Variants in ACOXL observed in about 807,000 individuals in gnomAD.
The protein encoded by ACOXL is acyl-coenzyme A oxidase-like protein.
Under a neutral mutation model 71.9 loss-of-function variants are expected in ACOXL, and 70 were observed. That is an observed-to-expected ratio of 0.97 (90% CI 0.80 to 1.19). ACOXL has a LOEUF of 1.19. ACOXL is among the 50% of genes most tolerant of loss of function. ACOXL has a pLI of 0.00. For synonymous variants in ACOXL, 253 were observed against 281.6 expected (o/e 0.90, Z 1.02); for missense variants, 703 against 736.3 (o/e 0.95, Z 0.52).
At chr2:110,925,502 TA>T in intron 11 of ACOXL, among the ~76,000 whole-genome samples, 2 of 152,384 alleles carry the variant, frequency 1.3e-5, no homozygotes, top group Non-Finnish European at 2.9e-5. Context: ...TGTCTTTCTT[TA>T]AAAATCAAGA....
At chr2:110,991,433 T>A (rs1044229926) in intron 13 of ACOXL, among the ~76,000 whole-genome samples, 1 of 152,224 alleles carries the variant, frequency 6.6e-6, no homozygotes, top group African/African-American at 2.4e-5. Context: ...ATGAATGTAT[T>A]GTCTCCTATA....
chr2:111,053,863 A>C (rs1391069462), intron 16 of ACOXL, among the ~76,000 whole-genome samples: 1 of 152,206 alleles, frequency 6.6e-6, no homozygotes, highest in Admixed American at 6.5e-5. Flanking sequence ...GATAAGCTGG[A>C]AAATATTTAA....
intron 5 of ACOXL, chr2:110,796,191 G>A (rs948586877): frequency 1.3e-5 from 2 of 152,182 alleles, no homozygotes; most frequent in Non-Finnish European, 2.9e-5. Context: ...ACATGTTTTG[G>A]TTATTCATTC....
At chr2:110,809,121 G>A (rs1358206908) in intron 9 of ACOXL, among the ~76,000 whole-genome samples, 2 of 152,256 alleles carry the variant, frequency 1.3e-5, no homozygotes, top group African/African-American at 4.8e-5. Flanking sequence ...GAAGGAGGAT[G>A]TTGCTGCCTC....
chr2:111,059,068 A>C (rs2066681088), intron 16 of ACOXL, among the ~76,000 whole-genome samples: 1 of 152,144 alleles, frequency 6.6e-6, no homozygotes, highest in Non-Finnish European at 1.5e-5. Context: ...AGATCTCTAC[A>C]AAAAATTCTA....
At chr2:111,109,937 C>T (rs2069830019) in intron 17 of ACOXL, among the ~76,000 whole-genome samples, 1 of 152,216 alleles carries the variant, frequency 6.6e-6, no homozygotes, top group East Asian at 1.9e-4. Context: ...CCTCAGCTTC[C>T]CAAAGTGTGG....
At chr2:110,794,316 G>A in intron 5 of ACOXL, 142 bp downstream of exon 5, 3 of 763,202 alleles carry the variant, frequency 3.9e-6, no homozygotes, top group South Asian at 3.6e-5. Context: ...AAATGCCTAA[G>A]TGTTTTAATA....
At position 110,748,862 on chromosome 2, in the gene ACOXL, A is replaced by G. The variant is rs887659740; in HGVS notation, c.-23+16088A>G. On this transcript the variant is annotated intron_variant, in intron 1 of 17. Transcript: ENST00000439055. Reference sequence around the variant, plus strand: ...GTTTCACCTTGTTGGTGTTGGACATAAAGCATTTTTTATTCTTGCCGTTTT... The same window carrying G: ...GTTTCACCTTGTTGGTGTTGGACATGAAGCATTTTTTATTCTTGCCGTTTT... Among the ~76,000 whole-genome samples, 12 of 152,242 alleles carry G rather than the reference A, an allele frequency of 7.9e-5. No homozygotes were observed. In the East Asian group the frequency reaches 2.3e-3, roughly 29 times the overall value.
chr2:110,801,355 T>C (rs1685967904), intron 7 of ACOXL, among the ~76,000 whole-genome samples: 1 of 152,206 alleles, frequency 6.6e-6, no homozygotes, highest in East Asian at 1.9e-4. Flanking sequence ...CAGTCACTGC[T>C]CGGGAGGTAG....
chr2:110,997,118 G>C (rs565087727), intron 14 of ACOXL, among the ~76,000 whole-genome samples: 2 of 152,336 alleles, frequency 1.3e-5, no homozygotes, highest in East Asian at 3.9e-4. Flanking sequence ...CTGCGGTGAA[G>C]AGCAGAATTA....
chr2:110,871,744 G>A (rs779538341), intron 10 of ACOXL, among the ~76,000 whole-genome samples: 39 of 152,134 alleles, frequency 2.6e-4, no homozygotes, highest in African/African-American at 4.6e-4. Context: ...AGATGAGAGC[G>A]CCATAGCACG....
intron 10 of ACOXL, among the ~76,000 whole-genome samples, chr2:110,852,920 T>C (rs1337332996): frequency 6.6e-6 from 1 of 152,110 alleles, no homozygotes; most frequent in Non-Finnish European, 1.5e-5. Context: ...TCCACCCTCA[T>C]TAGAGCCCAT....
At chr2:110,755,151 C>T (rs1225884246) in intron 1 of ACOXL, among the ~76,000 whole-genome samples, 5 of 152,164 alleles carry the variant, frequency 3.3e-5, no homozygotes, top group African/African-American at 4.8e-5. Flanking sequence ...GGTGGAGCTG[C>T]TGGCCAGAGC....
intron 12 of ACOXL, among the ~76,000 whole-genome samples, chr2:110,958,277 G>C (rs767048764): frequency 6.6e-6 from 1 of 152,130 alleles, no homozygotes; most frequent in Non-Finnish European, 1.5e-5. Context: ...TCCCAACAGA[G>C]ACATAAGGGG....
At chr2:110,982,657 A>C (rs1478859078) in intron 12 of ACOXL, among the ~76,000 whole-genome samples, 1 of 152,208 alleles carries the variant, frequency 6.6e-6, no homozygotes, top group Admixed American at 6.5e-5. Context: ...TAGGCTTGCC[A>C]GATGTAGGAA....
chr2:110,911,732 T>C (rs1424533694), intron 11 of ACOXL, among the ~76,000 whole-genome samples: 2 of 152,090 alleles, frequency 1.3e-5, no homozygotes, highest in Admixed American at 1.3e-4. Context: ...TAAAGTCATC[T>C]GTGAAAAACC....
intron 12 of ACOXL, among the ~76,000 whole-genome samples, chr2:110,971,051 A>C (rs1413983412): frequency 6.6e-6 from 1 of 152,340 alleles, no homozygotes; most frequent in Admixed American, 6.5e-5. Flanking sequence ...CAGGGAGAAT[A>C]TATTTTCAAA....
chr2:111,110,260 C>T (rs1331524023), intron 17 of ACOXL, among the ~76,000 whole-genome samples: 1 of 152,194 alleles, frequency 6.6e-6, no homozygotes, highest in Non-Finnish European at 1.5e-5. Context: ...TGAGCAGGAG[C>T]TGCTTTACTT....
At chr2:110,973,330 A>G (rs1349899020) in intron 12 of ACOXL, among the ~76,000 whole-genome samples, 2 of 152,210 alleles carry the variant, frequency 1.3e-5, no homozygotes, top group East Asian at 1.9e-4. Context: ...ATGTCTTTCC[A>G]TGATTAATGT....
Sources: gnomAD v4.1 joint callset for allele counts (sites outside exome capture counted in the v4.1 genomes callset) on GRCh38, gnomAD v4.1.1 for gene constraint, MANE v1.5 for transcripts, NCBI Gene and HGNC (gene_info 2026-07-23, HGNC 2026-07-21) for gene names.